TMEM45B: variants seen among roughly 807,000 people sequenced by gnomAD.
The protein encoded by TMEM45B is transmembrane protein 45B.
In TMEM45B, 29 loss-of-function variants were observed where a neutral mutation model predicts 27.3. That is an observed-to-expected ratio of 1.06 (90% CI 0.79 to 1.45). The LOEUF is 1.45. Ranked by LOEUF, TMEM45B falls within the 40% of genes most tolerant of loss-of-function variation. The pLI is 0.00. For synonymous variants in TMEM45B, 143 were observed against 134.7 expected (o/e 1.06, Z -0.43); for missense variants, 348 against 343.9 (o/e 1.01, Z -0.09).
At chr11:129,839,725 G>C (rs978279036) in intron 1 of TMEM45B, among the ~76,000 whole-genome samples, 2 of 151,956 alleles carry the variant, frequency 1.3e-5, no homozygotes, top group South Asian at 4.1e-4. Context: ...TAGTAGAGAC[G>C]GGTCTCACTC....
intron 1 of TMEM45B, among the ~76,000 whole-genome samples, chr11:129,822,932 C>T (rs1239304647): frequency 6.6e-6 from 1 of 151,540 alleles, no homozygotes; most frequent in African/African-American, 2.4e-5. Flanking sequence ...GCTCCGCCTC[C>T]CGAGTTCAAG....
intron 1 of TMEM45B, among the ~76,000 whole-genome samples, chr11:129,820,317 A>T (rs1947403746): frequency 1.3e-5 from 1 of 75,228 alleles, no homozygotes; most frequent in Non-Finnish European, 3.3e-5. Context: ...ACTCCATCTC[A>T]AAAAAATAAT....
intron 1 of TMEM45B, among the ~76,000 whole-genome samples, chr11:129,844,765 G>A (rs2135585998): frequency 6.6e-6 from 1 of 152,174 alleles, no homozygotes; most frequent in South Asian, 2.1e-4. Flanking sequence ...TCATTACAAA[G>A]GAAAGGAAAG....
intron 3 of TMEM45B, 80 bp from the exon 4 acceptor site, chr11:129,855,628 C>A: frequency 6.8e-7 from 1 of 1,467,834 alleles, no homozygotes; most frequent in Non-Finnish European, 9.5e-7. Context: ...AAGAACCTAG[C>A]TGAGACAGGT....
chr11:129,816,986 T>C (rs927366834), intron 1 of TMEM45B, among the ~76,000 whole-genome samples: 1 of 151,562 alleles, frequency 6.6e-6, no homozygotes, highest in African/African-American at 2.4e-5. Flanking sequence ...GACCTCATGA[T>C]CCACCCGCCT....
intron 1 of TMEM45B, among the ~76,000 whole-genome samples, chr11:129,824,932 A>G (rs1000351517): frequency 2.0e-5 from 3 of 152,098 alleles, no homozygotes; most frequent in African/African-American, 7.2e-5. Flanking sequence ...GGACAACATG[A>G]GCAAAGGGGA....
intron 1 of TMEM45B, among the ~76,000 whole-genome samples, chr11:129,819,497 G>A (rs1386099463): frequency 6.6e-6 from 1 of 152,016 alleles, no homozygotes; most frequent in Non-Finnish European, 1.5e-5. Context: ...GCAGAGGCAT[G>A]CTCCAGAAGA....
intron 3 of TMEM45B, 81 bp from the exon 4 acceptor site, chr11:129,855,626 AG>A: frequency 6.9e-7 from 1 of 1,439,588 alleles, no homozygotes; most frequent in African/African-American, 1.4e-5. Context: ...TGAAGAACCT[AG>A]CTGAGACAGG....
intron 1 of TMEM45B, among the ~76,000 whole-genome samples, chr11:129,846,465 CAAA>C (rs35029516): frequency 1.4e-5 from 2 of 144,510 alleles, no homozygotes; most frequent in Non-Finnish European, 1.5e-5. Context: ...GACTCTTTCT[CAAA>C]AAAAAAAAAA....
At chr11:129,842,790 T>C (rs544540006) in intron 1 of TMEM45B, among the ~76,000 whole-genome samples, 4 of 152,126 alleles carry the variant, frequency 2.6e-5, no homozygotes, top group Admixed American at 2.6e-4. Context: ...AAAGCAAAAG[T>C]AAAGGAGTAG....
At position 129,820,834 on chromosome 11, in the gene TMEM45B, G is replaced by A. The variant is rs556868974; in HGVS notation, c.-9+4936G>A. 2.0e-5 allele frequency among the ~76,000 whole-genome samples: 3 copies of A among 152,200 alleles called. No individual in the cohort carries two copies. In the South Asian group the frequency reaches 6.2e-4, roughly 32 times the overall value. On this transcript the variant is annotated intron_variant, in intron 1 of 5. Coordinates refer to ENST00000281441, the MANE Select transcript of TMEM45B (RefSeq NM_138788.5). ...TTTCATTGAGTTTATACTGAGTATA[G>A]AACCCTAGCGGCAATTACTTTCAAT...
intron 1 of TMEM45B, among the ~76,000 whole-genome samples, chr11:129,819,384 C>T (rs781751603): frequency 1.3e-5 from 2 of 152,076 alleles, no homozygotes; most frequent in Non-Finnish European, 2.9e-5. Flanking sequence ...AAAGGGGTTC[C>T]GATATGAACG....
chr11:129,845,870 G>T lies in TMEM45B; in HGVS notation c.-8-6605G>T, dbSNP rs535513835. 7.2e-5 allele frequency among the ~76,000 whole-genome samples: 11 copies of T among 152,248 alleles called. 1 individual carries two copies. The South Asian group carries it at 2.3e-3, about 32-fold the overall frequency. On this transcript the variant is annotated intron_variant, in intron 1 of 5. Coordinates refer to ENST00000281441, the MANE Select transcript of TMEM45B (RefSeq NM_138788.5). ...AACAGGGGATCCAAAACAAGGAAAAGCCTCTTCTGGAAGCTGCAGCAAAAG... is the reference window on the plus strand; with the variant it reads ...AACAGGGGATCCAAAACAAGGAAAATCCTCTTCTGGAAGCTGCAGCAAAAG...
At chr11:129,844,627 C>T (rs1239576447) in intron 1 of TMEM45B, among the ~76,000 whole-genome samples, 1 of 152,132 alleles carries the variant, frequency 6.6e-6, no homozygotes, top group African/African-American at 2.4e-5. Flanking sequence ...TTCAGGGCTG[C>T]AGTGAACTAT....
chr11:129,823,428 G>A (rs1182896657), intron 1 of TMEM45B, among the ~76,000 whole-genome samples: 6 of 152,042 alleles, frequency 3.9e-5, no homozygotes, highest in Admixed American at 6.6e-5. Flanking sequence ...CTTCTTAGGC[G>A]ACTTCAACAA....
intron 1 of TMEM45B, among the ~76,000 whole-genome samples, chr11:129,839,265 C>G (rs1806713132): frequency 6.6e-6 from 1 of 152,118 alleles, no homozygotes; most frequent in Non-Finnish European, 1.5e-5. Flanking sequence ...AGCAGCAGAT[C>G]AGCTGGGGAT....
At chr11:129,846,067 G>A (rs1947756796) in intron 1 of TMEM45B, among the ~76,000 whole-genome samples, 1 of 152,204 alleles carries the variant, frequency 6.6e-6, no homozygotes, top group Admixed American at 6.5e-5. Flanking sequence ...ATTTAATTTG[G>A]TCAACATTTG....
intron 1 of TMEM45B, 109 bp from the exon 2 acceptor site, chr11:129,852,366 A>T: frequency 1.1e-6 from 1 of 946,346 alleles, no homozygotes; most frequent in Non-Finnish European, 1.6e-6. Context: ...GATCCTTCTT[A>T]ACGTGGCTTA....
intron 1 of TMEM45B, among the ~76,000 whole-genome samples, chr11:129,840,437 G>A (rs1333180412): frequency 1.3e-5 from 2 of 152,172 alleles, no homozygotes; most frequent in Non-Finnish European, 2.9e-5. Flanking sequence ...AGGGAAGCCG[G>A]TTAGTCACTG....
Sources: gnomAD v4.1 joint callset for allele counts (sites outside exome capture counted in the v4.1 genomes callset) on GRCh38, gnomAD v4.1.1 for gene constraint, MANE v1.5 for transcripts, NCBI Gene and HGNC (gene_info 2026-07-23, HGNC 2026-07-21) for gene names.